PACRG: variants seen among roughly 807,000 people sequenced by gnomAD.
PACRG encodes parkin coregulated gene protein.
In PACRG, 29 loss-of-function variants were observed where a neutral mutation model predicts 29.7. That is an observed-to-expected ratio of 0.98 (90% CI 0.73 to 1.33). The LOEUF (loss-of-function observed/expected upper bound fraction) is 1.33, where lower values mean the gene tolerates loss of function less well. Ranked by LOEUF, PACRG falls within the 40% of genes most tolerant of loss-of-function variation. The probability of loss-of-function intolerance (pLI) is 0.00; values close to 1 mark genes in which losing one functional copy is unlikely to be tolerated. For missense variants in PACRG, 279 were observed against 316.2 expected, an observed-to-expected ratio of 0.88 and a Z score of 0.89; for synonymous variants, 116 against 118.7, an observed-to-expected ratio of 0.98 and a Z score of 0.15.
At chr6:163,108,748 G>A (rs543307284) in intron 4 of PACRG, among the ~76,000 whole-genome samples, 19 of 152,090 alleles carry the variant, frequency 1.2e-4, no homozygotes, top group South Asian at 6.2e-4. Flanking sequence ...AAGTTGTTGC[G>A]CCAACCTATA....
chr6:163,249,260 A>T (rs1358568815), intron 4 of PACRG, among the ~76,000 whole-genome samples: 1 of 152,212 alleles, frequency 6.6e-6, no homozygotes, highest in East Asian at 1.9e-4. Context: ...TTCTCACTGC[A>T]TTCCAACATT....
chr6:163,092,972 T>C (rs912047714), intron 4 of PACRG, among the ~76,000 whole-genome samples: 1 of 152,236 alleles, frequency 6.6e-6, no homozygotes, highest in Non-Finnish European at 1.5e-5. Flanking sequence ...GCATGTGGCC[T>C]CCCGGTCTCA....
intron 4 of PACRG, among the ~76,000 whole-genome samples, chr6:163,235,735 G>A (rs1193430838): frequency 6.6e-6 from 1 of 151,828 alleles, no homozygotes; most frequent in African/African-American, 2.4e-5. Flanking sequence ...TATATTATAG[G>A]GATTTGTTTT....
At chr6:162,895,311 A>G (rs1225019735) in intron 2 of PACRG, among the ~76,000 whole-genome samples, 1 of 151,932 alleles carries the variant, frequency 6.6e-6, no homozygotes, top group Non-Finnish European at 1.5e-5. Context: ...AAATGAATGA[A>G]TACTATATTT....
intron 4 of PACRG, among the ~76,000 whole-genome samples, chr6:163,240,450 CT>C (rs997540512): frequency 2.4e-4 from 37 of 152,212 alleles, no homozygotes; most frequent in African/African-American, 8.7e-4. Flanking sequence ...TTTAAAGCTG[CT>C]TTTGGTGTTG....
intron 4 of PACRG, chr6:163,191,750 A>T (rs1241695633): frequency 2.2e-6 from 1 of 456,324 alleles, no homozygotes; most frequent in East Asian, 7.0e-5. Context: ...CAGAGCCATG[A>T]CGTCCCTCTG....
At chr6:163,229,383 C>A (rs1253092511) in intron 4 of PACRG, among the ~76,000 whole-genome samples, 1 of 152,186 alleles carries the variant, frequency 6.6e-6, no homozygotes, top group East Asian at 1.9e-4. Flanking sequence ...ACCACCACCA[C>A]CACAACAAAA....
chr6:162,874,844 T>G (rs547718619), intron 2 of PACRG, among the ~76,000 whole-genome samples: 51 of 151,344 alleles, frequency 3.4e-4, no homozygotes, highest in African/African-American at 1.2e-3. Flanking sequence ...ACACTCACAT[T>G]CACATCATTC....
intron 2 of PACRG, among the ~76,000 whole-genome samples, chr6:162,926,854 CA>C (rs1487815213): frequency 6.6e-6 from 1 of 152,098 alleles, no homozygotes; most frequent in African/African-American, 2.4e-5. Flanking sequence ...AAACTGTCAT[CA>C]GAGCAAACAG....
intron 4 of PACRG, among the ~76,000 whole-genome samples, chr6:163,123,347 T>C (rs1428051190): frequency 6.6e-6 from 1 of 152,230 alleles, no homozygotes; most frequent in Admixed American, 6.5e-5. Context: ...CCATGTCGGG[T>C]GGACCTGGTT....
chr6:162,886,912 T>G (rs2321182), intron 2 of PACRG, among the ~76,000 whole-genome samples: 68,184 of 151,998 alleles, frequency 0.45, 16,178 homozygotes, highest in African/African-American at 0.62. Context: ...ATTATTATTA[T>G]TAGTATTATT....
chr6:163,293,417 G>A (rs74509442), intron 4 of PACRG, among the ~76,000 whole-genome samples: 1,657 of 152,312 alleles, frequency 0.011, 33 homozygotes, highest in African/African-American at 0.038. Flanking sequence ...AACAGTTAAA[G>A]CAATACAACG....
intron 4 of PACRG, among the ~76,000 whole-genome samples, chr6:163,124,990 A>G (rs581188): frequency 0.81 from 122,755 of 152,134 alleles, 49,560 homozygotes; most frequent in Middle Eastern, 0.84. Context: ...AGAGGAAAAA[A>G]TAAAGAAGTG....
intron 4 of PACRG, among the ~76,000 whole-genome samples, chr6:163,124,660 C>T (rs1356515922): frequency 1.3e-5 from 2 of 152,276 alleles, no homozygotes; most frequent in Middle Eastern, 3.4e-3. Flanking sequence ...CACACAAGAA[C>T]ACCAGCTGGA....
intron 1 of PACRG, among the ~76,000 whole-genome samples, chr6:162,749,669 C>T (rs577415644): frequency 3.2e-4 from 48 of 152,230 alleles, no homozygotes; most frequent in African/African-American, 1.1e-3. Flanking sequence ...TACAGGCATG[C>T]ACCACCATGC....
intron 1 of PACRG, among the ~76,000 whole-genome samples, chr6:162,801,510 C>T (rs1426530058): frequency 6.6e-6 from 1 of 152,118 alleles, no homozygotes; most frequent in East Asian, 1.9e-4. Flanking sequence ...TTTCTGTGAT[C>T]ATCAAAAGGC....
chr6:162,982,743 A>G (rs563889123), intron 2 of PACRG, among the ~76,000 whole-genome samples: 1 of 152,154 alleles, frequency 6.6e-6, no homozygotes, highest in Non-Finnish European at 1.5e-5. Flanking sequence ...ATCTTGGAGA[A>G]TGTTCCATGT....
intron 2 of PACRG, among the ~76,000 whole-genome samples, chr6:162,975,531 T>C (rs1197974307): frequency 6.6e-6 from 1 of 152,238 alleles, no homozygotes; most frequent in East Asian, 1.9e-4. Context: ...AAGCACTCTG[T>C]TCATTTGTCA....
intron 2 of PACRG, among the ~76,000 whole-genome samples, chr6:162,987,938 G>T (rs367573169): frequency 2.0e-5 from 3 of 152,156 alleles, no homozygotes; most frequent in Non-Finnish European, 4.4e-5. Flanking sequence ...CTCCTTCCTT[G>T]GAGCAGGGTT....
Sources: allele counts gnomAD v4.1 joint callset (sites outside exome capture counted in the v4.1 genomes callset), GRCh38; gene constraint gnomAD v4.1.1; transcripts MANE v1.5; gene names NCBI Gene and HGNC (gene_info 2026-07-23, HGNC 2026-07-21).